MYO18A: variants seen among roughly 807,000 people sequenced by gnomAD.
The protein encoded by MYO18A is myosin XVIIIA, also known as unconventional myosin-XVIIIa.
A neutral mutation model predicts 235.8 loss-of-function variants in MYO18A; 78 were observed. That is an observed-to-expected ratio of 0.33 (90% CI 0.28 to 0.40). The LOEUF (loss-of-function observed/expected upper bound fraction) is 0.40. Ranked by LOEUF, MYO18A falls within the 10% of genes least tolerant of loss-of-function variation. The pLI is 1.00. For missense variants in MYO18A, 2,215 were observed against 2,699.3 expected, an observed-to-expected ratio of 0.82 and a Z score of 3.98; for synonymous variants, 977 against 1,077.8, an observed-to-expected ratio of 0.91 and a Z score of 1.83.
chr17:29,089,233 C>T, intron 37 of MYO18A, among the ~76,000 whole-genome samples: 1 of 151,196 alleles, frequency 6.6e-6, no homozygotes, highest in African/African-American at 2.4e-5. Flanking sequence ...GAGATCAAGA[C>T]CATCCTGGCC....
In MYO18A at chr17:29,166,235, G is replaced by A. The variant is rs1265368023; in HGVS notation, c.706C>T (p.Arg236Trp). ...RPTGDFGFSL[R>W]RTTMLDRGPE... ...CCCCGATCCAGCATGGTTGTGCGCC[G>A]CAGGGAGAAGCCAAAGTCTCCAGTG... The change falls in exon 2 of 42, where the codon CGG becomes TGG. Residue 236 changes from arginine (R) to tryptophan (W), a missense_variant. Transcript: ENST00000527372. The A allele has an allele frequency of 2.5e-6, 4 of 1,612,844 alleles. No individual in the cohort carries two copies. The highest frequency in any genetic ancestry group is 2.5e-6 in the Non-Finnish European group (3 of 1,179,882).
rs2067208672 is a variant in MYO18A at position 29,121,871 on chromosome 17, C to A, written c.1174G>T (p.Asp392Tyr). 4.3e-6 allele frequency: 7 copies of A among 1,613,928 alleles called. No individual in the cohort carries two copies. The highest frequency in any genetic ancestry group is 5.9e-6 in the Non-Finnish European group (7 of 1,179,830). The change falls in exon 4 of 42, where the codon GAT becomes TAT. Residue 392 changes from aspartate (D) to tyrosine (Y), a missense_variant. Physicochemically the swap from Asp to Tyr is radical, Grantham distance 160 (BLOSUM62 -3). Coordinates refer to ENST00000527372, the MANE Select transcript of MYO18A (RefSeq NM_078471.4). The surrounding 1 kb of genome is among the most constrained non-coding windows in gnomAD (Gnocchi z 4.2). ...CCTACCTTCTCAACGTCATCCTCAT[C>A]CACATCCAGGATGGCCCCATCGTGG... is the stretch of plus-strand genomic sequence containing the variant. ...LDHDGAILDV[D>Y]EDDVEKANAP... is the part of the protein sequence containing the mutation.
intron 1 of MYO18A, among the ~76,000 whole-genome samples, chr17:29,179,399 G>C (rs1258999481): frequency 6.6e-6 from 1 of 152,004 alleles, no homozygotes; most frequent in African/African-American, 2.4e-5. Context: ...GTCCCTGCGG[G>C]CCTTATCGCA....
At chr17:29,171,587 T>G (rs1181918618) in intron 1 of MYO18A, among the ~76,000 whole-genome samples, 2 of 152,088 alleles carry the variant, frequency 1.3e-5, no homozygotes, top group African/African-American at 4.8e-5. Flanking sequence ...CTTTGAGATG[T>G]GTAAAATTTT....
At position 29,097,309 on chromosome 17, in the gene MYO18A, C is replaced by A; in HGVS notation, c.4144G>T (p.Val1382Leu). 1.2e-6 allele frequency: 2 copies of A among 1,610,492 alleles called. No homozygotes were observed. The highest frequency in any genetic ancestry group is 1.7e-6 in the Non-Finnish European group (2 of 1,179,856). Reference sequence around the variant, plus strand: ...TGGAGCCGTTTCTTGGTGAAGTCCACCTCCCGCACAGCCCGCTCATACTTC... The same window carrying A: ...TGGAGCCGTTTCTTGGTGAAGTCCAACTCCCGCACAGCCCGCTCATACTTC... ...RLKYERAVRE[V>L]DFTKKRLQQE... The change falls in exon 27 of 42, where the codon GTG becomes TTG. Residue 1382 changes from valine to leucine, a missense_variant. By Grantham distance (32) the Val-to-Leu change is conservative. Transcript: ENST00000527372.
At chr17:29,113,079 C>G (rs2066972324) in intron 15 of MYO18A, among the ~76,000 whole-genome samples, 1 of 152,250 alleles carries the variant, frequency 6.6e-6, no homozygotes, top group African/African-American at 2.4e-5. Flanking sequence ...CATCCCCCCT[C>G]TCCCGGGAAC....
At chr17:29,163,781 C>G (rs2152972685) in intron 2 of MYO18A, among the ~76,000 whole-genome samples, 1 of 152,354 alleles carries the variant, frequency 6.6e-6, no homozygotes. Flanking sequence ...CAGCAGGGAG[C>G]TGGCAACAAT....
At chr17:29,097,143 A>G (rs918260773) in intron 27 of MYO18A, 80 bp downstream of exon 27, 14 of 1,566,152 alleles carry the variant, frequency 8.9e-6, no homozygotes, top group Admixed American at 1.8e-5. Flanking sequence ...GCCTGCCCCC[A>G]GAGTTCACTG....
At position 29,087,050 on chromosome 17, in the gene MYO18A, C is replaced by G. The variant is rs1217481829; in HGVS notation, c.5598G>C (p.Glu1866Asp). ...TEERDQRIAA[E>D]NREKEQNKRL... ...GCTTGTTCTGTTCCTTCTCCCGGTTCTCGGCTGCAATGCGCTGATCCCGCT... is the reference window on the plus strand; with the variant it reads ...GCTTGTTCTGTTCCTTCTCCCGGTTGTCGGCTGCAATGCGCTGATCCCGCT... Residue 1866 changes from glutamate (E) to aspartate (D), a missense_variant, in exon 38 of 42, where the codon GAG (glutamate) becomes GAC (aspartate). Transcript: ENST00000527372. 6.2e-7 allele frequency: 1 copy of G among 1,614,024 alleles called. No homozygotes were observed. The highest frequency in any genetic ancestry group is 1.7e-5 in the Admixed American group (1 of 60,020).
chr17:29,089,624 G>A (rs766937410), intron 37 of MYO18A, among the ~76,000 whole-genome samples: 2 of 152,114 alleles, frequency 1.3e-5, no homozygotes, highest in South Asian at 2.1e-4. Context: ...GGCACCATCC[G>A]CTGCATATTT....
chr17:29,087,230 C>T, intron 37 of MYO18A, 109 bp from the exon 38 acceptor site: 1 of 1,176,838 alleles, frequency 8.5e-7, no homozygotes, highest in Non-Finnish European at 1.2e-6. Context: ...AGCTCTGGCT[C>T]CACCGTTCAT....
chr17:29,098,268 C>T, intron 24 of MYO18A, 44 bp from the exon 25 acceptor site: 4 of 1,612,942 alleles, frequency 2.5e-6, no homozygotes, highest in Non-Finnish European at 3.4e-6. Context: ...AAGTGCCTGC[C>T]TCACTCAGCC....
intron 41 of MYO18A, chr17:29,079,995 C>T (rs1956355250): frequency 1.0e-6 from 1 of 985,994 alleles, no homozygotes; most frequent in Admixed American, 6.1e-5. Flanking sequence ...TCTTCCGCCT[C>T]TTGTGCTCTG....
rs141480344 is a variant in MYO18A at position 29,158,732 on chromosome 17, G to A, written c.999+7210C>T. 0.017 allele frequency among the ~76,000 whole-genome samples: 2,665 copies of A among 152,316 alleles called. 34 individuals are homozygous for A. The highest frequency in any genetic ancestry group is 0.029 in the Admixed American group (439 of 15,304). Reference sequence around the variant, plus strand: ...TGGGGTGGCGGGAGCCCTGCTGGCAGGCAGCGCGTGCCTGTGGTTTCTGGG... The same window carrying A: ...TGGGGTGGCGGGAGCCCTGCTGGCAAGCAGCGCGTGCCTGTGGTTTCTGGG... On this transcript the variant is annotated intron_variant, in intron 2 of 41. Transcript: ENST00000527372. The surrounding 1 kb of genome is among the most constrained non-coding windows in gnomAD (Gnocchi z 4.3).
chr17:29,090,318 C>T (rs748413654), intron 36 of MYO18A, among the ~76,000 whole-genome samples: 12 of 152,150 alleles, frequency 7.9e-5, no homozygotes, highest in Non-Finnish European at 1.6e-4. Context: ...AGCTAAGGAT[C>T]GGAGAGGGAA....
intron 2 of MYO18A, among the ~76,000 whole-genome samples, chr17:29,151,083 A>C (rs1292747391): frequency 6.6e-6 from 1 of 152,100 alleles, no homozygotes; most frequent in Non-Finnish European, 1.5e-5. Flanking sequence ...CCCCGTCTCT[A>C]CAAAAAAAAT....
intron 2 of MYO18A, among the ~76,000 whole-genome samples, chr17:29,136,732 G>T (rs778301754): frequency 6.6e-6 from 1 of 152,220 alleles, no homozygotes; most frequent in Non-Finnish European, 1.5e-5. Context: ...AGCCTGTGCT[G>T]CTTCCTCAGT....
intron 2 of MYO18A, among the ~76,000 whole-genome samples, chr17:29,141,943 T>G (rs1391429096): frequency 1.3e-5 from 2 of 152,228 alleles, no homozygotes; most frequent in Non-Finnish European, 2.9e-5. Flanking sequence ...ACTGGGATTT[T>G]TTTGTTTTTG....
intron 2 of MYO18A, among the ~76,000 whole-genome samples, chr17:29,162,723 A>G (rs1158902292): frequency 1.3e-5 from 2 of 152,192 alleles, no homozygotes; most frequent in Non-Finnish European, 2.9e-5. Flanking sequence ...AGTGCTCAAC[A>G]AATGCTTCCC....
Sources: gnomAD v4.1 joint callset for allele counts (sites outside exome capture counted in the v4.1 genomes callset) on GRCh38, gnomAD v4.1.1 for gene constraint, Gnocchi (gnomAD v3.1) non-coding constraint, MANE v1.5 for transcripts, NCBI Gene and HGNC (gene_info 2026-07-23, HGNC 2026-07-21) for gene names.